Variants in RREB1 observed in about 807,000 individuals in gnomAD.
RREB1 encodes the protein ras responsive element binding protein 1.
RREB1 carries 27 observed loss-of-function variants against 117.8 expected under a neutral mutation model. The observed-to-expected ratio is 0.23, with a 90% CI of 0.17 to 0.32. The LOEUF (loss-of-function observed/expected upper bound fraction) is 0.32, where lower values mean the gene tolerates loss of function less well. Among genes scored for constraint, RREB1 ranks in the 10% least tolerant of loss-of-function variants. The pLI is 1.00. For missense variants in RREB1, 2,577 were observed against 2,378.2 expected, an observed-to-expected ratio of 1.08 and a Z score of -1.74; for synonymous variants, 1,298 against 1,026.7, an observed-to-expected ratio of 1.26 and a Z score of -5.05.
At chr6:7,174,196 G>A (rs1022341825) in intron 1 of RREB1, among the ~76,000 whole-genome samples, 5 of 146,360 alleles carry the variant, frequency 3.4e-5, no homozygotes, top group African/African-American at 1.3e-4. Flanking sequence ...GAGGTAAGGG[G>A]TGTCTTAGAG....
intron 1 of RREB1, among the ~76,000 whole-genome samples, chr6:7,110,479 G>GGTGTGTGTCT (rs1761086904): frequency 6.7e-6 from 1 of 149,520 alleles, no homozygotes; most frequent in Non-Finnish European, 1.5e-5. Context: ...TTTTAGGGGT[G>GGTGTGTGTCT]GTGTGTGTGT....
intron 1 of RREB1, among the ~76,000 whole-genome samples, chr6:7,115,134 T>C (rs1761334821): frequency 6.6e-6 from 1 of 152,230 alleles, no homozygotes; most frequent in Non-Finnish European, 1.5e-5. Flanking sequence ...GCAGTGTTTC[T>C]GAGCCGGGTG....
intron 6 of RREB1, among the ~76,000 whole-genome samples, chr6:7,208,923 C>A (rs1766426814): frequency 6.6e-6 from 1 of 152,130 alleles, no homozygotes; most frequent in Non-Finnish European, 1.5e-5. Context: ...AGAGCATGAG[C>A]TCAGAGTTGG....
intron 1 of RREB1, among the ~76,000 whole-genome samples, chr6:7,172,345 C>T (rs1764253649): frequency 1.3e-5 from 2 of 152,078 alleles, no homozygotes; most frequent in South Asian, 4.2e-4. Context: ...AAGTTTGCTG[C>T]CCCCCTTCAC....
chr6:7,231,365 C>T lies in RREB1; in HGVS notation c.3266C>T (p.Pro1089Leu), dbSNP rs1424646387. Residue 1089 changes from proline (P) to leucine (L), a missense_variant, in exon 10 of 13, where the codon CCA becomes CTA. Pro to Leu is a moderately conservative substitution (Grantham distance 98). Coordinates refer to ENST00000379938, the MANE Select transcript of RREB1 (RefSeq NM_001003699.4). Reference sequence around the variant, plus strand: ...CTGCTGAAAACCAAGGTGGCGGACCCAGGGCCCGCAAGCACTGGCAGTAAC... The same window carrying T: ...CTGCTGAAAACCAAGGTGGCGGACCTAGGGCCCGCAAGCACTGGCAGTAAC... ...PTLLKTKVAD[P>L]GPASTGSNTT... 7 of 1,613,290 alleles carry T rather than the reference C, an allele frequency of 4.3e-6. No homozygotes were observed. In the Admixed American group the frequency reaches 6.7e-5, roughly 15 times the overall value.
At chr6:7,119,962 A>G (rs905101038) in intron 1 of RREB1, among the ~76,000 whole-genome samples, 3 of 152,174 alleles carry the variant, frequency 2.0e-5, no homozygotes, top group South Asian at 2.1e-4. Flanking sequence ...GAAGGGAGAC[A>G]TGACTTCCTG....
At chr6:7,146,012 TC>T (rs1312656788) in intron 1 of RREB1, among the ~76,000 whole-genome samples, 1 of 151,468 alleles carries the variant, frequency 6.6e-6, no homozygotes, top group African/African-American at 2.4e-5. Context: ...ACGCCACCTC[TC>T]CGTATCCCTC....
intron 6 of RREB1, among the ~76,000 whole-genome samples, 177 bp downstream of exon 6, chr6:7,189,499 G>A (rs57757015): frequency 0.038 from 5,775 of 152,250 alleles, 362 homozygotes; most frequent in African/African-American, 0.13. Context: ...GAGGTGAAGT[G>A]CCTTGGCAAG....
At chr6:7,204,306 C>T (rs1027846985) in intron 6 of RREB1, among the ~76,000 whole-genome samples, 1 of 151,236 alleles carries the variant, frequency 6.6e-6, no homozygotes, top group Non-Finnish European at 1.5e-5. Flanking sequence ...TGTCCTCCCC[C>T]CGCCCCCTCC....
chr6:7,122,238 G>A (rs1458899730), intron 1 of RREB1, among the ~76,000 whole-genome samples: 3 of 152,150 alleles, frequency 2.0e-5, no homozygotes, highest in African/African-American at 7.2e-5. Context: ...TGAGGAGAAC[G>A]TGAATTTCCA....
intron 3 of RREB1, chr6:7,181,591 G>C: frequency 1.8e-6 from 1 of 567,912 alleles, no homozygotes. Context: ...GCCTAACCCA[G>C]ATTAGGAAAG....
intron 1 of RREB1, among the ~76,000 whole-genome samples, chr6:7,161,026 T>C (rs1763635691): frequency 6.6e-6 from 1 of 152,140 alleles, no homozygotes; most frequent in Admixed American, 6.6e-5. Flanking sequence ...AGATAGAGTT[T>C]CGCCATGTTG....
rs1221393541 is a variant in RREB1 at position 7,208,942 on chromosome 6, G to GGTC, written c.426-1860_426-1858dup. On this transcript the variant is annotated intron_variant, in intron 6 of 12. Coordinates refer to ENST00000379938, the MANE Select transcript of RREB1 (RefSeq NM_001003699.4). ...CATGAGCTCAGAGTTGGTGCACATA[G>GGTC]GTCGGCTCAAGCTCTGAGGCTATGG... is the stretch of plus-strand genomic sequence containing the variant. Among the ~76,000 whole-genome samples, 3 of 152,162 alleles carry GGTC rather than the reference G, an allele frequency of 2.0e-5. No homozygotes were observed. In the East Asian group the frequency reaches 5.8e-4, roughly 29 times the overall value.
chr6:7,248,967 G>A lies in RREB1; in HGVS notation c.5228G>A (p.Ter1743=). 6.8e-7 allele frequency: 1 copy of A among 1,474,850 alleles called. No homozygotes were observed. Among genetic ancestry groups the A allele is most frequent in the South Asian group, 1.4e-5 (1 of 72,848 alleles). 91.4% of individuals were successfully genotyped at this position (1,474,850 alleles called of 1,614,324 possible). Residue 1743 remains the stop codon, a stop_retained_variant, in exon 13 of 13, where the codon TGA becomes TAA. Transcript: ENST00000379938. ...DGASQLVGME[*] ...GCCTCCCAGCTCGTGGGGATGGAGT[G>A]ACAGCCTCAGTCCCCCTCAGCACAG... is the stretch of plus-strand genomic sequence containing the variant.
At chr6:7,112,603 A>G (rs1761199090) in intron 1 of RREB1, among the ~76,000 whole-genome samples, 1 of 152,118 alleles carries the variant, frequency 6.6e-6, no homozygotes, top group Non-Finnish European at 1.5e-5. Context: ...ATCAAAGGTA[A>G]AAGGTACACC....
chr6:7,159,790 C>T (rs1250890677), intron 1 of RREB1, among the ~76,000 whole-genome samples: 1 of 152,140 alleles, frequency 6.6e-6, no homozygotes, highest in African/African-American at 2.4e-5. Context: ...AGACCACTGC[C>T]GTAGTTCTGT....
intron 8 of RREB1, among the ~76,000 whole-genome samples, chr6:7,223,745 AAAC>A (rs1767419656): frequency 1.3e-5 from 2 of 152,300 alleles, no homozygotes; most frequent in African/African-American, 2.4e-5. Context: ...ATTCTCAGCT[AAAC>A]AACAAACACA....
In RREB1 at chr6:7,231,002, A is replaced by G; in HGVS notation, c.2903A>G (p.Gln968Arg). The G allele has an allele frequency of 6.2e-7, 1 of 1,614,122 alleles. No homozygotes were observed. Among genetic ancestry groups the G allele is most frequent in the Non-Finnish European group, 8.5e-7 (1 of 1,180,006 alleles). Reference sequence around the variant, plus strand: ...GAGGAGGAGGCGGGGAGCAGCGAGCAGCCCTCTCCCTGCCCAGCACCCGGC... The same window carrying G: ...GAGGAGGAGGCGGGGAGCAGCGAGCGGCCCTCTCCCTGCCCAGCACCCGGC... ...KPEEEAGSSE[Q>R]PSPCPAPGPS... The change falls in exon 10 of 13, where the codon CAG becomes CGG. Residue 968 changes from glutamine (Q) to arginine (R), a missense_variant. Coordinates refer to ENST00000379938, the MANE Select transcript of RREB1 (RefSeq NM_001003699.4).
chr6:7,235,918 T>C (rs1768283713), intron 10 of RREB1, among the ~76,000 whole-genome samples: 1 of 152,150 alleles, frequency 6.6e-6, no homozygotes, highest in Non-Finnish European at 1.5e-5. Context: ...TTCCAGGAAC[T>C]GTGTTTGATG....
Sources: gnomAD v4.1 joint callset for allele counts (sites outside exome capture counted in the v4.1 genomes callset) on GRCh38, gnomAD v4.1.1 for gene constraint, MANE v1.5 for transcripts, NCBI Gene and HGNC (gene_info 2026-07-23, HGNC 2026-07-21) for gene names.